LDB2: variants seen among roughly 807,000 people sequenced by gnomAD.
The protein encoded by LDB2 is LIM domain binding 2.
Under a neutral mutation model 44.3 loss-of-function variants are expected in LDB2, and 12 were observed. The observed-to-expected ratio is 0.27, with a 90% confidence interval of 0.17 to 0.44. LDB2 has a LOEUF of 0.44. LDB2 is among the 20% of genes least tolerant of loss of function. The pLI is 1.00. For synonymous variants in LDB2, 164 were observed against 174.8 expected (o/e 0.94, Z 0.49); for missense variants, 344 against 473.5 (o/e 0.73, Z 2.54).
chr4:16,889,736 T>G (rs1722818561), intron 1 of LDB2, among the ~76,000 whole-genome samples: 1 of 152,226 alleles, frequency 6.6e-6, no homozygotes, highest in African/African-American at 2.4e-5. Flanking sequence ...ATCAGGTCCC[T>G]GCCCTCATGG....
At chr4:16,664,716 T>C (rs1468265918) in intron 2 of LDB2, among the ~76,000 whole-genome samples, 1 of 152,232 alleles carries the variant, frequency 6.6e-6, no homozygotes, top group African/African-American at 2.4e-5. Context: ...AAATAATGGA[T>C]CAATCTGAAT....
intron 2 of LDB2, among the ~76,000 whole-genome samples, chr4:16,660,726 A>G (rs1329321230): frequency 6.6e-6 from 1 of 152,202 alleles, no homozygotes. Flanking sequence ...TTGGGGATAA[A>G]TGACATCAAC....
At chr4:16,886,876 C>CA (rs1561541990) in intron 1 of LDB2, among the ~76,000 whole-genome samples, 1 of 151,186 alleles carries the variant, frequency 6.6e-6, no homozygotes, top group African/African-American at 2.4e-5. Context: ...ACTAAAAATA[C>CA]AAAAAAATAA....
At chr4:16,846,008 C>T (rs1012447899) in intron 1 of LDB2, among the ~76,000 whole-genome samples, 7 of 151,302 alleles carry the variant, frequency 4.6e-5, no homozygotes, top group African/African-American at 1.5e-4. Flanking sequence ...ACTCAGGAGG[C>T]TGAGGCAGGA....
chr4:16,571,376 G>A (rs1482275624), intron 5 of LDB2, among the ~76,000 whole-genome samples: 3 of 152,108 alleles, frequency 2.0e-5, no homozygotes, highest in African/African-American at 2.4e-5. Context: ...GAGTCCAGGA[G>A]GGTTTTTGAT....
chr4:16,884,874 T>A (rs530984984), intron 1 of LDB2, among the ~76,000 whole-genome samples: 2 of 152,068 alleles, frequency 1.3e-5, no homozygotes, highest in Non-Finnish European at 2.9e-5. Flanking sequence ...ACATTACCCA[T>A]AGGGGCATCC....
At chr4:16,520,140 C>T (rs529575783) in intron 5 of LDB2, among the ~76,000 whole-genome samples, 14 of 152,170 alleles carry the variant, frequency 9.2e-5, no homozygotes, top group Admixed American at 4.6e-4. Flanking sequence ...CCCTCCCCGC[C>T]GCCCCACCGC....
rs143981887 is a variant in LDB2, at chr4:16,626,971, G to A, written c.236-31096C>T. On this transcript the variant is annotated intron_variant, in intron 2 of 7. Coordinates refer to ENST00000304523, the MANE Select transcript of LDB2 (RefSeq NM_001290.5). ...ACAAAGGATTCTCCAGAAACTGCAA[G>A]GAGACAGAACACAGAGAACTGTACC... 1,434 of 152,298 alleles carry A rather than the reference G, an allele frequency of 9.4e-3. 10 individuals are homozygous for A. The highest frequency in any genetic ancestry group is 0.017 in the Admixed American group (262 of 15,290). The allele number at this position is 152,298 out of a possible 1,614,324, so 9.4% of individuals were successfully genotyped here. A position where few individuals can be genotyped will look rare whatever the true frequency, so the allele number is the denominator to read the frequency against.
At chr4:16,768,113 G>A (rs530014134) in intron 1 of LDB2, among the ~76,000 whole-genome samples, 1 of 152,180 alleles carries the variant, frequency 6.6e-6, no homozygotes, top group East Asian at 1.9e-4. Context: ...AAATTACCAT[G>A]GCAACCACTT....
At chr4:16,877,501 G>A (rs1435245093) in intron 1 of LDB2, among the ~76,000 whole-genome samples, 1 of 152,214 alleles carries the variant, frequency 6.6e-6, no homozygotes, top group Non-Finnish European at 1.5e-5. Context: ...TTGTTAAACT[G>A]ATGTGTGTTT....
intron 1 of LDB2, among the ~76,000 whole-genome samples, chr4:16,797,880 C>T (rs570914317): frequency 3.4e-4 from 52 of 151,550 alleles, no homozygotes; most frequent in Non-Finnish European, 6.8e-4. Context: ...ACTAAAAATA[C>T]AAAAATTAGC....
chr4:16,834,117 G>A (rs1428486183), intron 1 of LDB2, among the ~76,000 whole-genome samples: 1 of 152,144 alleles, frequency 6.6e-6, no homozygotes, highest in Non-Finnish European at 1.5e-5. Flanking sequence ...TCTATTATGT[G>A]TTGCTTGTTT....
chr4:16,852,727 G>T (rs1047106244), intron 1 of LDB2, among the ~76,000 whole-genome samples: 16 of 151,978 alleles, frequency 1.1e-4, no homozygotes, highest in African/African-American at 3.4e-4. Context: ...TTATTCTTTT[G>T]GGACTAAAAA....
At chr4:16,614,508 G>C (rs1726572035) in intron 2 of LDB2, among the ~76,000 whole-genome samples, 1 of 146,648 alleles carries the variant, frequency 6.8e-6, no homozygotes, top group South Asian at 2.2e-4. Context: ...GAGAAGTTTT[G>C]CAATCTATCC....
At chr4:16,811,346 T>C (rs540553178) in intron 1 of LDB2, among the ~76,000 whole-genome samples, 1 of 152,352 alleles carries the variant, frequency 6.6e-6, no homozygotes, top group South Asian at 2.1e-4. Context: ...GTATATTTAC[T>C]CAGTTGATGC....
intron 1 of LDB2, among the ~76,000 whole-genome samples, chr4:16,805,210 A>C (rs569267720): frequency 6.6e-6 from 1 of 152,128 alleles, no homozygotes; most frequent in South Asian, 2.1e-4. Flanking sequence ...AGAGTCCCCA[A>C]CTTCAAGTAC....
intron 3 of LDB2, among the ~76,000 whole-genome samples, chr4:16,592,211 T>C (rs1453869840): frequency 6.6e-6 from 1 of 152,150 alleles, no homozygotes; most frequent in Non-Finnish European, 1.5e-5. Flanking sequence ...AGTAGCTTTT[T>C]AACCCTTTTC....
intron 5 of LDB2, among the ~76,000 whole-genome samples, chr4:16,567,855 ACTT>A (rs1269002294): frequency 6.6e-6 from 1 of 152,234 alleles, no homozygotes; most frequent in Non-Finnish European, 1.5e-5. Context: ...CAGTACAAAT[ACTT>A]TTTTTTAACA....
chr4:16,542,169 TCC>T (rs1734088193), intron 5 of LDB2, among the ~76,000 whole-genome samples: 1 of 148,280 alleles, frequency 6.7e-6, no homozygotes, highest in African/African-American at 2.5e-5. Flanking sequence ...CATTTACTCA[TCC>T]ACTAAGAAAA....
Sources: gnomAD v4.1 joint callset for allele counts (sites outside exome capture counted in the v4.1 genomes callset) on GRCh38, gnomAD v4.1.1 for gene constraint, MANE v1.5 for transcripts, NCBI Gene and HGNC (gene_info 2026-07-23, HGNC 2026-07-21) for gene names.